The following MTUS2 variants were observed in gnomAD, a reference collection of about 807,000 sequenced individuals.
MTUS2 encodes microtubule-associated tumor suppressor candidate 2.
In MTUS2, 40 loss-of-function variants were observed where a neutral mutation model predicts 114.1. The observed-to-expected ratio is 0.35, with a 90% CI of 0.27 to 0.46. The LOEUF is 0.46. Ranked by LOEUF, MTUS2 falls within the 20% of genes least tolerant of loss-of-function variation. The pLI is 1.00. For missense variants in MTUS2, 1,679 were observed against 1,705.4 expected (o/e 0.98, Z 0.27); for synonymous variants, 688 against 672.0 (o/e 1.02, Z -0.37).
At chr13:29,244,249 C>T (rs1282123807) in intron 5 of MTUS2, among the ~76,000 whole-genome samples, 1 of 152,062 alleles carries the variant, frequency 6.6e-6, no homozygotes, top group Admixed American at 6.5e-5. Context: ...AATGCAGTTC[C>T]AGTGTGAAAA....
chr13:28,995,958 G>T (rs144576521), intron 2 of MTUS2, among the ~76,000 whole-genome samples: 6 of 152,028 alleles, frequency 3.9e-5, no homozygotes, highest in Admixed American at 6.6e-5. Context: ...TGACAGAGGG[G>T]ATCCCTGTCT....
At chr13:29,049,233 A>C (rs1462595567) in intron 4 of MTUS2, among the ~76,000 whole-genome samples, 1 of 152,226 alleles carries the variant, frequency 6.6e-6, no homozygotes, top group Non-Finnish European at 1.5e-5. Flanking sequence ...ATCTATTCAC[A>C]AGGACATCCT....
intron 5 of MTUS2, among the ~76,000 whole-genome samples, chr13:29,264,396 A>G (rs1897590721): frequency 1.3e-5 from 2 of 152,284 alleles, no homozygotes; most frequent in East Asian, 3.9e-4. Context: ...TGGATCTACC[A>G]TTCTGGGGTC....
chr13:29,304,451 AC>A (rs1899347148), intron 6 of MTUS2, among the ~76,000 whole-genome samples: 1 of 152,200 alleles, frequency 6.6e-6, no homozygotes, highest in South Asian at 2.1e-4. Flanking sequence ...AAATTTTACC[AC>A]ACTAATGGAA....
At chr13:29,072,145 T>G (rs1888968640) in intron 4 of MTUS2, 1 of 152,270 alleles carries the variant, frequency 6.6e-6, no homozygotes, top group Non-Finnish European at 1.5e-5. Context: ...GTGTCCTGTT[T>G]CCAGAAATTG....
intron 2 of MTUS2, among the ~76,000 whole-genome samples, chr13:28,947,743 A>G (rs1272701637): frequency 6.6e-6 from 1 of 152,220 alleles, no homozygotes; most frequent in African/African-American, 2.4e-5. Flanking sequence ...TGTTACACTT[A>G]AGGAAAATAT....
chr13:29,355,639 T>C (rs537777924), intron 7 of MTUS2, among the ~76,000 whole-genome samples: 3 of 152,218 alleles, frequency 2.0e-5, no homozygotes, highest in Non-Finnish European at 4.4e-5. Context: ...ACAGTCTTAT[T>C]CACAGAGTAT....
At position 29,414,884 on chromosome 13, in the gene MTUS2, A is replaced by G. The variant is rs1216407969; in HGVS notation, c.3118-25099A>G. 2.7e-5 allele frequency among the ~76,000 whole-genome samples: 4 copies of G among 150,738 alleles called. No individual in the cohort carries two copies. The East Asian group carries it at 7.8e-4, about 29-fold the overall frequency. ...AGTTTTTTAACTAGGTATTTAAGTC[A>G]TTTATTTACTTTTTTATATTTTACT... On this transcript the variant is annotated intron_variant, in intron 8 of 15. Coordinates refer to ENST00000612955, the MANE Select transcript of MTUS2 (RefSeq NM_001033602.4).
At chr13:29,385,926 C>T (rs1000216480) in intron 8 of MTUS2, among the ~76,000 whole-genome samples, 2 of 152,204 alleles carry the variant, frequency 1.3e-5, no homozygotes, top group Non-Finnish European at 2.9e-5. Flanking sequence ...AATCTCATTT[C>T]AGTCCATGTA....
intron 6 of MTUS2, among the ~76,000 whole-genome samples, chr13:29,323,126 C>T (rs1209415145): frequency 6.6e-6 from 1 of 152,156 alleles, no homozygotes; most frequent in African/African-American, 2.4e-5. Context: ...TCTGAAGATC[C>T]TGGTCTGTGT....
chr13:29,467,841 G>A (rs565048972), intron 9 of MTUS2, among the ~76,000 whole-genome samples: 48 of 152,286 alleles, frequency 3.2e-4, no homozygotes, highest in African/African-American at 1.1e-3. Context: ...GCGGCCAGGC[G>A]CAGTGGCTCA....
chr13:28,909,576 C>A (rs1462877073), intron 2 of MTUS2, among the ~76,000 whole-genome samples: 1 of 152,178 alleles, frequency 6.6e-6, no homozygotes, highest in Non-Finnish European at 1.5e-5. Flanking sequence ...CAATATCATA[C>A]TGAATCACAA....
chr13:28,990,359 G>A (rs112848080), intron 2 of MTUS2, among the ~76,000 whole-genome samples: 112 of 152,278 alleles, frequency 7.4e-4, no homozygotes, highest in African/African-American at 2.6e-3. Context: ...CTAAGAGTGA[G>A]AGGTGAAGCC....
At chr13:28,863,224 T>C (rs1212103291) in intron 2 of MTUS2, among the ~76,000 whole-genome samples, 1 of 152,230 alleles carries the variant, frequency 6.6e-6, no homozygotes, top group Non-Finnish European at 1.5e-5. Context: ...TTTCCTTGTG[T>C]TTCCTAAGCA....
intron 5 of MTUS2, among the ~76,000 whole-genome samples, chr13:29,202,468 A>G (rs1894998663): frequency 6.6e-6 from 1 of 152,102 alleles, no homozygotes; most frequent in Non-Finnish European, 1.5e-5. Context: ...TTTAGCTCAT[A>G]GGACATTGGT....
chr13:29,027,603 G>A (rs895802455), intron 3 of MTUS2, among the ~76,000 whole-genome samples: 13 of 152,154 alleles, frequency 8.5e-5, no homozygotes, highest in Admixed American at 2.6e-4. Flanking sequence ...CCAGGCTTGA[G>A]TGCAGTGGCG....
intron 5 of MTUS2, among the ~76,000 whole-genome samples, chr13:29,240,689 C>G (rs925559673): frequency 6.6e-6 from 1 of 152,122 alleles, no homozygotes; most frequent in African/African-American, 2.4e-5. Flanking sequence ...TCTGGGTAAT[C>G]TCATATGATT....
intron 5 of MTUS2, among the ~76,000 whole-genome samples, chr13:29,260,495 C>T (rs1374288179): frequency 6.6e-6 from 1 of 152,192 alleles, no homozygotes; most frequent in African/African-American, 2.4e-5. Context: ...TATCCTATCG[C>T]TCAATGTCAT....
At chr13:28,966,995 G>C (rs931518952) in intron 2 of MTUS2, among the ~76,000 whole-genome samples, 6 of 152,110 alleles carry the variant, frequency 3.9e-5, no homozygotes, top group African/African-American at 1.4e-4. Context: ...CCTGACCACT[G>C]TTACCACGAT....
Sources: gnomAD v4.1 joint callset for allele counts (sites outside exome capture counted in the v4.1 genomes callset) on GRCh38, gnomAD v4.1.1 for gene constraint, MANE v1.5 for transcripts, NCBI Gene and HGNC (gene_info 2026-07-23, HGNC 2026-07-21) for gene names.